The following NFIB variants were observed in gnomAD, a reference collection of about 807,000 sequenced individuals.
NFIB encodes the protein nuclear factor 1 B-type.
Under a neutral mutation model 61.5 loss-of-function variants are expected in NFIB, and 11 were observed. The ratio of observed to expected loss-of-function variants is 0.18; its 90% CI spans 0.11 to 0.30. NFIB has a LOEUF of 0.30. NFIB is among the 10% of genes least tolerant of loss of function. The pLI is 1.00. For synonymous variants in NFIB, 260 were observed against 216.5 expected (o/e 1.20, Z -1.76); for missense variants, 471 against 608.9 (o/e 0.77, Z 2.38).
At chr9:14,471,734 T>C in the NFIB span, among the ~76,000 whole-genome samples, 16 of 152,306 alleles carry the variant, frequency 1.1e-4, no homozygotes, top group Admixed American at 2.6e-4. Context: ...TTGGAACTCA[T>C]CCGGGAAGTT....
At chr9:14,527,717 C>T in the NFIB span, among the ~76,000 whole-genome samples, 2 of 152,116 alleles carry the variant, frequency 1.3e-5, no homozygotes, top group East Asian at 3.9e-4. Flanking sequence ...ACAAATAGAT[C>T]CAATATTTAG....
intron 7 of NFIB, among the ~76,000 whole-genome samples, chr9:14,124,437 G>T (rs759802307): frequency 5.9e-5 from 9 of 151,896 alleles, no homozygotes; most frequent in Non-Finnish European, 1.3e-4. Flanking sequence ...AGCAATAAAG[G>T]CCATGCATTT....
chr9:14,157,805 T>C (rs1300322107), intron 3 of NFIB, among the ~76,000 whole-genome samples: 2 of 152,190 alleles, frequency 1.3e-5, no homozygotes, highest in Non-Finnish European at 2.9e-5. Context: ...TAGTTCATTA[T>C]ACTTTATTTT....
chr9:14,082,329 C>G lies in NFIB; in HGVS notation c.*5980G>C. The G allele has an allele frequency of 4.9e-6, 1 of 205,104 alleles. No individual in the cohort carries two copies. Among genetic ancestry groups the G allele is most frequent in the Non-Finnish European group, 1.0e-5 (1 of 99,908 alleles). 12.7% of individuals were successfully genotyped at this position (205,104 alleles called of 1,614,324 possible). On this transcript the variant is annotated 3_prime_UTR_variant, in exon 11 of 11. Transcript: ENST00000380953. ...AGCTAGCAAGCAATAACTGACTACT[C>G]GTCACCTACAGTTGTACTAAATGTA...
intron 1 of NFIB, among the ~76,000 whole-genome samples, chr9:14,344,416 G>GA (rs982111968): frequency 2.0e-5 from 3 of 151,780 alleles, no homozygotes; most frequent in African/African-American, 7.3e-5. Flanking sequence ...TCAGAAGGGG[G>GA]GGGTAGAGGG....
rs978099971 is a variant in NFIB at position 14,222,806 on chromosome 9, A to AAAAG, written c.563-43030_563-43027dup. Among the ~76,000 whole-genome samples, 5 of 150,626 alleles carry AAAAG rather than the reference A, an allele frequency of 3.3e-5. No homozygotes were observed. In the East Asian group the frequency reaches 5.9e-4, roughly 18 times the overall value. ...GTAAGATCCTGTCTCAAAAAAAAAA[A>AAAAG]AAAGAAAGAAAGAAAAGAAAAAGAA... On this transcript the variant is annotated intron_variant, in intron 2 of 10. Transcript: ENST00000380953.
the NFIB span, among the ~76,000 whole-genome samples, chr9:14,439,404 G>A: frequency 6.6e-6 from 1 of 152,170 alleles, no homozygotes; most frequent in African/African-American, 2.4e-5. Context: ...TTGGACAAAT[G>A]ATTTAATCTT....
chr9:14,106,064 T>A (rs1248603141), intron 10 of NFIB, among the ~76,000 whole-genome samples: 1 of 152,118 alleles, frequency 6.6e-6, no homozygotes, highest in Non-Finnish European at 1.5e-5. Context: ...TTCAAAGCTT[T>A]AAGAATGCTG....
intron 1 of NFIB, among the ~76,000 whole-genome samples, chr9:14,395,152 A>G (rs918023258): frequency 6.6e-6 from 1 of 152,038 alleles, no homozygotes; most frequent in Non-Finnish European, 1.5e-5. Context: ...ATGCTGTGAC[A>G]GAGCACCTGG....
chr9:14,504,529 G>C, the NFIB span, among the ~76,000 whole-genome samples: 1 of 152,126 alleles, frequency 6.6e-6, no homozygotes, highest in Non-Finnish European at 1.5e-5. Flanking sequence ...AGTTTTCCTT[G>C]TAGAGGTCTT....
At chr9:14,133,458 G>C (rs548377684) in intron 6 of NFIB, among the ~76,000 whole-genome samples, 2 of 152,298 alleles carry the variant, frequency 1.3e-5, no homozygotes, top group South Asian at 4.1e-4. Context: ...AATAAATAAG[G>C]TAGTAAATGA....
In NFIB at chr9:14,313,995, G is replaced by GGAGA; in HGVS notation, c.-488_-485dup. On this transcript the variant is annotated 5_prime_UTR_variant, in exon 1 of 11. Coordinates refer to ENST00000380953, the MANE Select transcript of NFIB (RefSeq NM_001190737.2). The surrounding 1 kb of genome is among the most constrained non-coding windows in gnomAD (Gnocchi z 4.5). The stretch of plus-strand genomic sequence containing the variant: ...AGGAGGGCGAGCGGGCGGGCGGGAG[G>GGAGA]GAGAGCGGGGAGAATGTGTCACCGC... 1.3e-6 allele frequency: 1 copy of GGAGA among 741,918 alleles called. No homozygotes were observed. The highest frequency in any genetic ancestry group is 1.4e-4 in the East Asian group (1 of 7,340). 46.0% of individuals were successfully genotyped at this position (741,918 alleles called of 1,614,324 possible). A position where few individuals can be genotyped will look rare whatever the true frequency, so the allele number is the denominator to read the frequency against.
intron 1 of NFIB, among the ~76,000 whole-genome samples, chr9:14,333,935 T>A (rs2060852068): frequency 1.3e-5 from 2 of 152,230 alleles, no homozygotes; most frequent in African/African-American, 4.8e-5. Context: ...TTGTACTGCC[T>A]GGTTTTGAAC....
At chr9:14,257,118 T>C (rs1473210774) in intron 2 of NFIB, among the ~76,000 whole-genome samples, 1 of 152,210 alleles carries the variant, frequency 6.6e-6, no homozygotes. Context: ...AAATCTGACT[T>C]TGACACCTAC....
At chr9:14,295,004 C>A (rs1431739391) in intron 2 of NFIB, among the ~76,000 whole-genome samples, 1 of 152,174 alleles carries the variant, frequency 6.6e-6, no homozygotes, top group African/African-American at 2.4e-5. Context: ...CACGGTGATC[C>A]CAAATCACAG....
At chr9:14,103,952 T>C (rs994516030) in intron 10 of NFIB, among the ~76,000 whole-genome samples, 2 of 152,006 alleles carry the variant, frequency 1.3e-5, no homozygotes, top group Non-Finnish European at 2.9e-5. Flanking sequence ...CAGTCTCACT[T>C]CATCACCCAG....
At chr9:14,252,010 T>C (rs762666776) in intron 2 of NFIB, among the ~76,000 whole-genome samples, 10 of 152,228 alleles carry the variant, frequency 6.6e-5, no homozygotes, top group Non-Finnish European at 1.3e-4. Flanking sequence ...AATTTTTACA[T>C]CTATCAGGAG....
chr9:14,244,023 T>G (rs2054623140), intron 2 of NFIB, among the ~76,000 whole-genome samples: 1 of 152,200 alleles, frequency 6.6e-6, no homozygotes, highest in South Asian at 2.1e-4. Context: ...TCAGTACTAT[T>G]ATGTGGTAAT....
At chr9:14,204,153 A>T (rs758135661) in intron 2 of NFIB, 8 of 465,450 alleles carry the variant, frequency 1.7e-5, no homozygotes, top group African/African-American at 5.9e-5. Context: ...ACATTAAAAT[A>T]ACATTAACAA....
Sources: allele counts gnomAD v4.1 joint callset (sites outside exome capture counted in the v4.1 genomes callset), GRCh38; gene constraint gnomAD v4.1.1; non-coding constraint Gnocchi (gnomAD v3.1); transcripts MANE v1.5; gene names NCBI Gene and HGNC (gene_info 2026-07-23, HGNC 2026-07-21).